Variants in THAP12 observed in about 807,000 individuals in gnomAD.
THAP12 encodes the protein THAP domain containing 12.
Under a neutral mutation model 63.0 loss-of-function variants are expected in THAP12, and 20 were observed. The ratio of observed to expected loss-of-function variants is 0.32; its 90% CI spans 0.22 to 0.46. THAP12 has a LOEUF of 0.46. Ranked by LOEUF, THAP12 falls within the 20% of genes least tolerant of loss-of-function variation. The pLI is 1.00. For missense variants in THAP12, 568 were observed against 908.2 expected, an observed-to-expected ratio of 0.63 and a Z score of 4.81; for synonymous variants, 264 against 328.4, an observed-to-expected ratio of 0.80 and a Z score of 2.12.
At chr11:76,356,913 A>T (rs1477847873) in intron 3 of THAP12, 1 of 152,156 alleles carries the variant, frequency 6.6e-6, no homozygotes, top group Non-Finnish European at 1.5e-5. Flanking sequence ...GTGGTGGCAC[A>T]TGCCTGTGAT....
rs1252059721 is a variant in THAP12, at chr11:76,350,204, A to G, written c.*660T>C. 2 of 152,448 alleles carry G rather than the reference A, an allele frequency of 1.3e-5. No individual in the cohort carries two copies. The highest frequency in any genetic ancestry group is 4.8e-5 in the African/African-American group (2 of 41,452). 9.4% of individuals were successfully genotyped at this position (152,448 alleles called of 1,614,324 possible). A position where few individuals can be genotyped will look rare whatever the true frequency, so the allele number is the denominator to read the frequency against. ...CCTCTGATTCTGTCTCAACCATGAA[A>G]CAGAAGTGTTCAACATATACCTGCT... On this transcript the variant is annotated 3_prime_UTR_variant, in exon 5 of 5. Coordinates refer to ENST00000260045, the MANE Select transcript of THAP12 (RefSeq NM_004705.4).
intron 3 of THAP12, chr11:76,357,875 A>G (rs980293411): frequency 1.3e-5 from 2 of 152,186 alleles, no homozygotes; most frequent in African/African-American, 4.8e-5. Context: ...ATAGCTTTGA[A>G]TACACATAAA....
In THAP12 at chr11:76,380,675, G is replaced by C. The variant is rs570925126; in HGVS notation, c.89+73C>G. On this transcript the variant is annotated intron_variant, in intron 1 of 4. Coordinates refer to ENST00000260045, the MANE Select transcript of THAP12 (RefSeq NM_004705.4). Reference sequence around the variant, plus strand: ...CCCCTCTCAGCCAGCCCGGGAGCCCGCCAGGGGCCGGCGGCTGGCAGCGCT... The same window carrying C: ...CCCCTCTCAGCCAGCCCGGGAGCCCCCCAGGGGCCGGCGGCTGGCAGCGCT... 118 of 1,193,448 alleles carry C rather than the reference G, an allele frequency of 9.9e-5. 2 individuals carry two copies. In the South Asian group the frequency reaches 2.6e-3, roughly 26 times the overall value. The allele number at this position is 1,193,448 out of a possible 1,614,324, so 73.9% of individuals were successfully genotyped here.
chr11:76,380,781 A>T lies in THAP12; in HGVS notation c.56T>A (p.Leu19Ter). 6.8e-7 allele frequency: 1 copy of T among 1,467,494 alleles called. No individual in the cohort carries two copies. The highest frequency in any genetic ancestry group is 9.1e-7 in the Non-Finnish European group (1 of 1,104,346). 90.9% of individuals were successfully genotyped at this position (1,467,494 alleles called of 1,614,324 possible). A position where few individuals can be genotyped will look rare whatever the true frequency, so the allele number is the denominator to read the frequency against. Reference protein sequence around the residue: ...NCTRKSTQSDLAFFRFPRDPA... With the variant: ...NCTRKSTQSD Reference sequence around the variant, plus strand: ...GTCCCGCGGGAACCTGAAGAAGGCCAAGTCGGACTGCGTGCTCTTCCGCGT... The same window carrying T: ...GTCCCGCGGGAACCTGAAGAAGGCCTAGTCGGACTGCGTGCTCTTCCGCGT... Residue 19 changes from leucine to a stop codon, truncating the protein, a stop_gained, in exon 1 of 5, where the codon TTG (leucine) becomes TAG (stop). Transcript: ENST00000260045. LOFTEE classifies it high-confidence loss of function.
intron 4 of THAP12, among the ~76,000 whole-genome samples, chr11:76,353,538 A>G (rs1385729640): frequency 2.6e-5 from 4 of 152,228 alleles, no homozygotes; most frequent in Non-Finnish European, 5.9e-5. Flanking sequence ...AAGGAGATTA[A>G]TGTAACTCTT....
chr11:76,369,159 C>G (rs888967407), intron 1 of THAP12, among the ~76,000 whole-genome samples: 5 of 152,042 alleles, frequency 3.3e-5, no homozygotes, highest in African/African-American at 9.7e-5. Context: ...ATCTCATTTG[C>G]CATCAGGGAA....
rs369736816 is a variant in THAP12, at chr11:76,351,292, A to G, written c.1858T>C (p.Ser620Pro). ...TACATGTCAGCATGGTGTTCCTCCGACGTATTGAATTTGAGTTGTCCCATG... is the reference window on the plus strand; with the variant it reads ...TACATGTCAGCATGGTGTTCCTCCGGCGTATTGAATTTGAGTTGTCCCATG... ...SVMGQLKFNT[S>P]EEHHADMYRS... is the part of the protein sequence containing the mutation. Residue 620 changes from serine (S) to proline (P), a missense_variant, in exon 5 of 5, where the codon TCG becomes CCG. Transcript: ENST00000260045. 1.9e-6 allele frequency: 3 copies of G among 1,582,314 alleles called. No homozygotes were observed. Among genetic ancestry groups the G allele is most frequent in the Non-Finnish European group, 2.6e-6 (3 of 1,159,668 alleles).
chr11:76,378,248 G>A (rs975475786), intron 1 of THAP12, among the ~76,000 whole-genome samples: 5 of 151,732 alleles, frequency 3.3e-5, no homozygotes, highest in Admixed American at 1.3e-4. Flanking sequence ...GCGAAACCCC[G>A]TCTTGACTAA....
Position 76,369,090 on chromosome 11 carries a change from G to C in THAP12, c.90-3118C>G, listed in dbSNP as rs146179788. On this transcript the variant is annotated intron_variant, in intron 1 of 4. Transcript: ENST00000260045. Reference sequence around the variant, plus strand: ...AAAATAGGCAAGGGGCCTTGAACAGGCACTTTATAATAAAAAGGTTATAAA... The same window carrying C: ...AAAATAGGCAAGGGGCCTTGAACAGCCACTTTATAATAAAAAGGTTATAAA... Among the ~76,000 whole-genome samples, 71 of 151,934 alleles carry C rather than the reference G, an allele frequency of 4.7e-4. 1 individual carries two copies. In the East Asian group the frequency reaches 0.013, roughly 29 times the overall value.
chr11:76,364,525 T>C, intron 2 of THAP12: 1 of 280,600 alleles, frequency 3.6e-6, no homozygotes, highest in South Asian at 2.9e-5. Flanking sequence ...AGGTGTTACA[T>C]TAGTTACACT....
intron 1 of THAP12, among the ~76,000 whole-genome samples, chr11:76,377,112 T>C (rs1946716899): frequency 6.6e-6 from 1 of 152,204 alleles, no homozygotes; most frequent in Non-Finnish European, 1.5e-5. Flanking sequence ...ACTCCTTAGA[T>C]AACCTTAACC....
chr11:76,359,527 A>C (rs2134503414), intron 3 of THAP12: 1 of 152,344 alleles, frequency 6.6e-6, no homozygotes, highest in Non-Finnish European at 1.5e-5. Flanking sequence ...ACTTGACAAA[A>C]GGACTTTCAA....
At position 76,352,256 on chromosome 11, in the gene THAP12, A is replaced by T. The variant is rs759674418; in HGVS notation, c.894T>A (p.Pro298=). ...NLREEFIGFL[P]YEADAEILAV... is the part of the protein sequence containing the mutation. ...CCAAAATTTCTGCATCGGCTTCATA[A>T]GGCAGGAAGCCTATAAATTCCTCTC... Residue 298 remains proline (P), a synonymous_variant, in exon 5 of 5, where the codon CCT becomes CCA. Coordinates refer to ENST00000260045, the MANE Select transcript of THAP12 (RefSeq NM_004705.4). 6.2e-7 allele frequency: 1 copy of T among 1,611,806 alleles called. No individual in the cohort carries two copies. Among genetic ancestry groups the T allele is most frequent in the South Asian group, 1.1e-5 (1 of 90,952 alleles).
At position 76,351,551 on chromosome 11, in the gene THAP12, T is replaced by C. The variant is rs1946527070; in HGVS notation, c.1599A>G (p.Glu533=). ...AATTTGTGGCTTCCTCAAACCAAAA[T>C]TCATGATAAACTTCAATATTTTCCA... ...EVMENIEVYH[E]FWFEEATNLA... The change falls in exon 5 of 5, where the codon GAA becomes GAG. Residue 533 remains glutamate (E), a synonymous_variant. Transcript: ENST00000260045. The C allele has an allele frequency of 6.3e-7, 1 of 1,575,982 alleles. No individual in the cohort carries two copies. The highest frequency in any genetic ancestry group is 1.4e-5 in the African/African-American group (1 of 73,662).
intron 2 of THAP12, among the ~76,000 whole-genome samples, chr11:76,363,624 T>C (rs1172598701): frequency 6.6e-6 from 1 of 152,194 alleles, no homozygotes; most frequent in Non-Finnish European, 1.5e-5. Flanking sequence ...AGTCTCACTC[T>C]GTCACCAAGG....
At chr11:76,359,058 A>G (rs1946580321) in intron 3 of THAP12, 1 of 152,220 alleles carries the variant, frequency 6.6e-6, no homozygotes, top group Non-Finnish European at 1.5e-5. Flanking sequence ...GTAACAGAGG[A>G]AAAACTCAGA....
At chr11:76,353,736 T>G (rs1043598697) in intron 4 of THAP12, among the ~76,000 whole-genome samples, 2 of 151,918 alleles carry the variant, frequency 1.3e-5, no homozygotes, top group African/African-American at 4.8e-5. Flanking sequence ...GGGCCGGGGG[T>G]GCAGTGGCTT....
In THAP12 at chr11:76,351,394, T is replaced by G. The variant is rs761387481; in HGVS notation, c.1756A>C (p.Ile586Leu). The change falls in exon 5 of 5, where the codon ATT (isoleucine) becomes CTT (leucine). Residue 586 changes from isoleucine to leucine, a missense_variant. By Grantham distance (5) the Ile-to-Leu change is conservative (BLOSUM62 2). Transcript: ENST00000260045. ...AATATATCTTTAAGTTCCTGAATAA[T>G]GTGCTCCACTGTTGGGACACTTAGG... is the stretch of plus-strand genomic sequence containing the variant. Reference protein sequence around the residue: ...ETLSVPTVEHIIQELKDIFSE... With the variant: ...ETLSVPTVEHLIQELKDIFSE... 2 of 1,603,960 alleles carry G rather than the reference T, an allele frequency of 1.2e-6. No homozygotes were observed. Among genetic ancestry groups the G allele is most frequent in the African/African-American group, 1.3e-5 (1 of 74,810 alleles).
At chr11:76,376,615 G>GTTT (rs375196452) in intron 1 of THAP12, among the ~76,000 whole-genome samples, 1,904 of 127,458 alleles carry the variant, frequency 0.015, 121 homozygotes, top group Middle Eastern at 0.041. Flanking sequence ...TTGTGTCTAT[G>GTTT]TTTTTTTTGT....
Sources: allele counts gnomAD v4.1 joint callset (sites outside exome capture counted in the v4.1 genomes callset), GRCh38; gene constraint gnomAD v4.1.1; transcripts MANE v1.5; gene names NCBI Gene and HGNC (gene_info 2026-07-23, HGNC 2026-07-21).